NFXL1: variants seen among roughly 807,000 people sequenced by gnomAD.
The protein encoded by NFXL1 is nuclear transcription factor, X-box binding like 1, also known as NF-X1-type zinc finger protein NFXL1.
A neutral mutation model predicts 123.3 loss-of-function variants in NFXL1; 66 were observed. The ratio of observed to expected loss-of-function variants is 0.54; its 90% confidence interval spans 0.44 to 0.66. NFXL1 has a LOEUF of 0.66. Among genes scored for constraint, NFXL1 ranks in the 30% least tolerant of loss-of-function variants. The pLI, the probability that NFXL1 is intolerant of heterozygous loss-of-function variation, is 0.00. For missense variants in NFXL1, 944 were observed against 1,125.6 expected (o/e 0.84, Z 2.31); for synonymous variants, 346 against 360.8 (o/e 0.96, Z 0.46).
At chr4:47,877,066 T>C in intron 17 of NFXL1, 1 of 1,202,726 alleles carries the variant, frequency 8.3e-7, no homozygotes, top group Non-Finnish European at 1.1e-6. Context: ...AAAAATCTTC[T>C]ATTTAAATAA....
chr4:47,853,703 A>G lies in NFXL1; in HGVS notation c.2421+1356T>C, dbSNP rs868569420. Among the ~76,000 whole-genome samples the G allele has an allele frequency of 1.8e-4, 27 of 152,152 alleles. 1 individual carries two copies. The highest frequency in any genetic ancestry group is 5.5e-4 in the African/African-American group (23 of 41,450). On this transcript the variant is annotated intron_variant, in intron 20 of 22. Transcript: ENST00000507489. ...AGCTAAGCGAGGGTACAATATATGT[A>G]TTAGGGCACTTAAGTAACAGATTCA...
intron 18 of NFXL1, 38 bp from the exon 19 acceptor site, chr4:47,862,953 C>T (rs568902353): frequency 3.7e-6 from 4 of 1,090,528 alleles, no homozygotes; most frequent in East Asian, 2.4e-5. Flanking sequence ...AAACAAAAAT[C>T]CATTTTATAG....
chr4:47,900,251 C>A (rs1176802579), intron 5 of NFXL1, among the ~76,000 whole-genome samples: 1 of 152,062 alleles, frequency 6.6e-6, no homozygotes, highest in East Asian at 1.9e-4. Flanking sequence ...ACTCTGTCAC[C>A]CAGGCTGGAG....
chr4:47,906,782 C>A (rs1164950125), intron 3 of NFXL1, among the ~76,000 whole-genome samples: 2 of 152,114 alleles, frequency 1.3e-5, no homozygotes, highest in East Asian at 1.9e-4. Context: ...TGTAAGATTT[C>A]TTTGAAACAT....
chr4:47,903,636 A>G (rs1737441799), intron 4 of NFXL1, among the ~76,000 whole-genome samples: 1 of 152,106 alleles, frequency 6.6e-6, no homozygotes. Flanking sequence ...TCATACTATA[A>G]TAACTGAAAT....
At position 47,905,308 on chromosome 4, in the gene NFXL1, C is replaced by T. The variant is rs371860513; in HGVS notation, c.445G>A (p.Val149Ile). The change falls in exon 4 of 23, where the codon GTA becomes ATA. Residue 149 changes from valine (V) to isoleucine (I), a missense_variant. Around this residue, in one of 4 missense-constraint regions of NFXL1, gnomAD observed 303 missense variants for 292.1 expected, o/e 1.04. Transcript: ENST00000507489. ...GCCCCTGCTTGAAAAGCTTCATTTA[C>T]ATATTGTTTTGTTCGCTCTAATTCA... ...TRELERTKQY[V>I]NEAFQAGAMT... 8 of 1,601,106 alleles carry T rather than the reference C, an allele frequency of 5.0e-6. No individual in the cohort carries two copies. The African/African-American group carries it at 8.0e-5, about 16-fold the overall frequency.
intron 19 of NFXL1, among the ~76,000 whole-genome samples, chr4:47,858,292 G>A (rs1430207478): frequency 6.6e-6 from 1 of 152,212 alleles, no homozygotes; most frequent in Non-Finnish European, 1.5e-5. Flanking sequence ...ATACTTTTCA[G>A]TAACTGGAAA....
Position 47,896,569 on chromosome 4 carries a change from C to T in NFXL1, c.1283G>A (p.Arg428Lys), listed in dbSNP as rs1418941236. ...CDKVLECGIHRCSQRCHRGPC... is the reference protein window; with the variant it reads ...CDKVLECGIHKCSQRCHRGPC... ...ACCTCGGTGACAACGCTGTGAACAT[C>T]TATGGATTCCGCATTCAAGTACTTT... The change falls in exon 10 of 23, where the codon AGA becomes AAA. Residue 428 changes from arginine to lysine, a missense_variant. By Grantham distance (26) the Arg-to-Lys change is conservative (BLOSUM62 2). Around this residue, in one of 4 missense-constraint regions of NFXL1, gnomAD observed 296 missense variants for 395.1 expected, o/e 0.75. Coordinates refer to ENST00000507489, the MANE Select transcript of NFXL1 (RefSeq NM_001278624.2). The T allele has an allele frequency of 6.2e-7, 1 of 1,613,246 alleles. No individual in the cohort carries two copies. Among genetic ancestry groups the T allele is most frequent in the African/African-American group, 1.3e-5 (1 of 75,022 alleles).
chr4:47,882,473 A>T (rs995787981), intron 15 of NFXL1: 2 of 152,234 alleles, frequency 1.3e-5, no homozygotes, highest in Non-Finnish European at 2.9e-5. Context: ...TGAGGATAAC[A>T]AAATGGAAAG....
intron 20 of NFXL1, among the ~76,000 whole-genome samples, chr4:47,852,790 A>G (rs1439867245): frequency 6.6e-6 from 1 of 152,000 alleles, no homozygotes; most frequent in African/African-American, 2.4e-5. Flanking sequence ...ATTGCTGCCA[A>G]TGTCACTTTT....
intron 20 of NFXL1, among the ~76,000 whole-genome samples, chr4:47,853,735 T>TA: frequency 6.6e-6 from 1 of 152,216 alleles, no homozygotes; most frequent in Non-Finnish European, 1.5e-5. Context: ...TTCACAGAGA[T>TA]GATTGCTAGA....
intron 18 of NFXL1, among the ~76,000 whole-genome samples, chr4:47,874,747 A>G (rs1444809606): frequency 6.6e-6 from 1 of 152,226 alleles, no homozygotes; most frequent in East Asian, 1.9e-4. Context: ...TCTGCCAAGT[A>G]CAATAAAGTG....
chr4:47,901,883 T>C (rs528315839), intron 5 of NFXL1, among the ~76,000 whole-genome samples: 1 of 152,264 alleles, frequency 6.6e-6, no homozygotes, highest in African/African-American at 2.4e-5. Flanking sequence ...CTAAATGTTT[T>C]TAAAAACTAC....
intron 11 of NFXL1, among the ~76,000 whole-genome samples, chr4:47,891,198 A>C (rs541037044): frequency 6.9e-6 from 1 of 145,444 alleles, no homozygotes; most frequent in African/African-American, 2.6e-5. Flanking sequence ...TGCAACCTCC[A>C]CCTCCCAGGC....
intron 15 of NFXL1, 116 bp downstream of exon 15, chr4:47,884,230 A>T: frequency 1.8e-6 from 1 of 564,654 alleles, no homozygotes; most frequent in Non-Finnish European, 3.2e-6. Context: ...TTGATAGGCT[A>T]GGCCTGAAAT....
chr4:47,898,504 A>G (rs1737221216), intron 8 of NFXL1, among the ~76,000 whole-genome samples: 1 of 152,178 alleles, frequency 6.6e-6, no homozygotes, highest in African/African-American at 2.4e-5. Context: ...GACAAGAGCT[A>G]GCAAGAAAGA....
In NFXL1 at chr4:47,852,864, T is replaced by C. The variant is rs946290202; in HGVS notation, c.2422-922A>G. On this transcript the variant is annotated intron_variant, in intron 20 of 22. Coordinates refer to ENST00000507489, the MANE Select transcript of NFXL1 (RefSeq NM_001278624.2). Reference sequence around the variant, plus strand: ...TCACCAGACCCTCAGACTCTAGTTTTTTGTTCAAATCTACCACAGCTTAGA... The same window carrying C: ...TCACCAGACCCTCAGACTCTAGTTTCTTGTTCAAATCTACCACAGCTTAGA... 5.3e-5 allele frequency among the ~76,000 whole-genome samples: 8 copies of C among 152,232 alleles called. No individual in the cohort carries two copies. In the East Asian group the frequency reaches 1.5e-3, roughly 29 times the overall value.
chr4:47,884,496 AAG>A, intron 14 of NFXL1, 59 bp from the exon 15 acceptor site: 1 of 1,037,948 alleles, frequency 9.6e-7, no homozygotes, highest in Non-Finnish European at 1.5e-6. Flanking sequence ...TGGCCATTTT[AAG>A]AATCTAAGAA....
intron 2 of NFXL1, 53 bp from the exon 3 acceptor site, chr4:47,911,047 A>C (rs1275865200): frequency 6.4e-6 from 7 of 1,087,946 alleles, no homozygotes; most frequent in Non-Finnish European, 7.9e-6. Flanking sequence ...CAAAAAGAAA[A>C]GCATAATGTG....
Sources: gnomAD v4.1 joint callset for allele counts (sites outside exome capture counted in the v4.1 genomes callset) on GRCh38, gnomAD v4.1.1 for gene constraint, gnomAD v4.1.1 regional missense constraint, MANE v1.5 for transcripts, NCBI Gene and HGNC (gene_info 2026-07-23, HGNC 2026-07-21) for gene names.